The following BABAM2 variants were observed in gnomAD, a reference collection of about 807,000 sequenced individuals.
BABAM2 encodes the protein BRISC and BRCA1 A complex member 2.
In BABAM2, 31 loss-of-function variants were observed where a neutral mutation model predicts 54.7. The observed-to-expected ratio is 0.57, with a 90% CI of 0.43 to 0.77. BABAM2 has a LOEUF of 0.77. Among genes scored for constraint, BABAM2 ranks in the 30% least tolerant of loss-of-function variants. The pLI is 0.00. For synonymous variants in BABAM2, 167 were observed against 162.9 expected, an observed-to-expected ratio of 1.03 and a Z score of -0.19; for missense variants, 364 against 455.8, an observed-to-expected ratio of 0.80 and a Z score of 1.83.
chr2:28,178,495 C>A (rs1386010456), intron 7 of BABAM2, among the ~76,000 whole-genome samples: 1 of 151,980 alleles, frequency 6.6e-6, no homozygotes, highest in Non-Finnish European at 1.5e-5. Context: ...TGAGATACAG[C>A]AAAAGCAGTG....
At chr2:28,190,735 C>T (rs1379157157) in intron 7 of BABAM2, among the ~76,000 whole-genome samples, 2 of 152,246 alleles carry the variant, frequency 1.3e-5, no homozygotes, top group South Asian at 2.1e-4. Context: ...GCAGAGCCCT[C>T]ATGATCTAAT....
rs1558346715 is a variant in BABAM2, at chr2:28,112,147, T to TTCTTTCCC, written c.571-17123_571-17122insCTTTCCCT. Among the ~76,000 whole-genome samples the TTCTTTCCC allele has an allele frequency of 7.1e-3, 37 of 5,242 alleles. 7 individuals carry two copies. Among genetic ancestry groups the TTCTTTCCC allele is most frequent in the Non-Finnish European group, 8.2e-3 (26 of 3,154 alleles). The allele number at this position is 5,242 out of a possible 152,430, so 3.4% of individuals were successfully genotyped here. On this transcript the variant is annotated intron_variant, in intron 6 of 11. Transcript: ENST00000379624. ...TTTCTTTCTTTCTTTCTTTCTTTCTTTACCTCCCTCCCTCCCTCCCTCCCT... is the reference window on the plus strand; with the variant it reads ...TTTCTTTCTTTCTTTCTTTCTTTCTTTCTTTCCCTACCTCCCTCCCTCCCTCCCTCCCT...
intron 4 of BABAM2, among the ~76,000 whole-genome samples, chr2:27,998,612 T>A (rs1412779753): frequency 6.6e-6 from 1 of 152,186 alleles, no homozygotes; most frequent in African/African-American, 2.4e-5. Context: ...ATAAAAGATG[T>A]ATCTCAAACC....
intron 11 of BABAM2, among the ~76,000 whole-genome samples, chr2:28,333,947 A>G (rs1427465626): frequency 2.6e-5 from 4 of 152,266 alleles, no homozygotes; most frequent in Non-Finnish European, 5.9e-5. Flanking sequence ...AAAAAGTGAA[A>G]TAAATGAAAA....
intron 2 of BABAM2, among the ~76,000 whole-genome samples, chr2:27,928,399 C>G (rs1002049598): frequency 1.3e-4 from 20 of 152,192 alleles, no homozygotes; most frequent in Non-Finnish European, 1.9e-4. Context: ...ATTTGCCTGC[C>G]TTGGCCTCCC....
At chr2:28,004,966 A>G (rs1043655438) in intron 4 of BABAM2, among the ~76,000 whole-genome samples, 2 of 152,240 alleles carry the variant, frequency 1.3e-5, no homozygotes, top group African/African-American at 4.8e-5. Flanking sequence ...ATGTGTCTCA[A>G]TGAGATTTGA....
At chr2:28,216,237 C>T (rs1254578837) in intron 7 of BABAM2, among the ~76,000 whole-genome samples, 1 of 151,998 alleles carries the variant, frequency 6.6e-6, no homozygotes, top group Non-Finnish European at 1.5e-5. Flanking sequence ...GTATTTCTGC[C>T]ACTTTATGAA....
intron 3 of BABAM2, among the ~76,000 whole-genome samples, chr2:27,967,799 T>A (rs1206997599): frequency 2.6e-5 from 4 of 152,226 alleles, no homozygotes; most frequent in African/African-American, 9.6e-5. Context: ...ACTCTTGTTA[T>A]GTTTTAGCAA....
intron 10 of BABAM2, among the ~76,000 whole-genome samples, chr2:28,268,011 C>CT (rs962053725): frequency 3.3e-5 from 5 of 152,204 alleles, no homozygotes; most frequent in Non-Finnish European, 7.4e-5. Context: ...TATCTATACA[C>CT]AATAAAGACG....
intron 7 of BABAM2, among the ~76,000 whole-genome samples, chr2:28,137,095 A>G (rs539043269): frequency 3.9e-5 from 6 of 152,326 alleles, no homozygotes; most frequent in African/African-American, 1.4e-4. Context: ...TATAGATTTT[A>G]AAGAAAAAAA....
At chr2:27,982,582 A>G (rs1223502906) in intron 3 of BABAM2, among the ~76,000 whole-genome samples, 1 of 151,986 alleles carries the variant, frequency 6.6e-6, no homozygotes, top group Non-Finnish European at 1.5e-5. Flanking sequence ...TCCCATCACC[A>G]TTTGTTGAAA....
intron 2 of BABAM2, among the ~76,000 whole-genome samples, chr2:27,928,395 C>T (rs905067828): frequency 1.3e-5 from 2 of 152,294 alleles, no homozygotes; most frequent in Admixed American, 6.5e-5. Flanking sequence ...AGTGATTTGC[C>T]TGCCTTGGCC....
intron 7 of BABAM2, among the ~76,000 whole-genome samples, chr2:28,163,014 A>G (rs936873271): frequency 6.6e-6 from 1 of 152,166 alleles, no homozygotes; most frequent in East Asian, 1.9e-4. Flanking sequence ...TTTAGTCCCA[A>G]TTCTGTAGAA....
At chr2:27,961,753 G>C (rs1193120086) in intron 3 of BABAM2, among the ~76,000 whole-genome samples, 2 of 144,126 alleles carry the variant, frequency 1.4e-5, no homozygotes, top group Middle Eastern at 6.6e-3. Context: ...TGAGAGAGAG[G>C]GTCTCACTCT....
chr2:28,031,760 C>T (rs1676308130), intron 5 of BABAM2, among the ~76,000 whole-genome samples: 1 of 152,138 alleles, frequency 6.6e-6, no homozygotes, highest in Admixed American at 6.5e-5. Flanking sequence ...AAAGCCTTTA[C>T]TGGCCAACTG....
At position 28,226,023 on chromosome 2, in the gene BABAM2, G is replaced by A. The variant is rs191636104; in HGVS notation, c.681-11179G>A. 1.1e-4 allele frequency among the ~76,000 whole-genome samples: 16 copies of A among 152,160 alleles called. No individual in the cohort carries two copies. The East Asian group carries it at 2.7e-3, about 26-fold the overall frequency. Reference sequence around the variant, plus strand: ...CCAAATCCAGCCCACAGCTAAGAATGACTTTTACATTTTTTAAATGGTTAG... The same window carrying A: ...CCAAATCCAGCCCACAGCTAAGAATAACTTTTACATTTTTTAAATGGTTAG... On this transcript the variant is annotated intron_variant, in intron 7 of 11. Coordinates refer to ENST00000379624, the MANE Select transcript of BABAM2 (RefSeq NM_199191.3).
chr2:28,017,819 G>A (rs1674954427), intron 4 of BABAM2, among the ~76,000 whole-genome samples: 1 of 152,160 alleles, frequency 6.6e-6, no homozygotes. Context: ...ATGTTTCAAG[G>A]TTGATCCCTG....
chr2:28,008,188 G>A (rs72812559), intron 4 of BABAM2, among the ~76,000 whole-genome samples: 11,936 of 152,164 alleles, frequency 0.078, 799 homozygotes, highest in African/African-American at 0.18. Flanking sequence ...GAACATTAGT[G>A]GGTGCAATAA....
intron 7 of BABAM2, among the ~76,000 whole-genome samples, chr2:28,198,250 G>A (rs150195336): frequency 0.014 from 2,153 of 151,606 alleles, 51 homozygotes; most frequent in African/African-American, 0.049. Context: ...TGCAAGCTCC[G>A]CCTCCCGGGT....
Sources: allele counts gnomAD v4.1 joint callset (sites outside exome capture counted in the v4.1 genomes callset), GRCh38; gene constraint gnomAD v4.1.1; transcripts MANE v1.5; gene names NCBI Gene and HGNC (gene_info 2026-07-23, HGNC 2026-07-21).